Variants in HEATR5A observed in about 807,000 individuals in gnomAD.
The protein encoded by HEATR5A is HEAT repeat containing 5A.
HEATR5A carries 178 observed loss-of-function variants against 218.8 expected under a neutral mutation model. The ratio of observed to expected loss-of-function variants is 0.81; its 90% CI spans 0.72 to 0.92. The LOEUF is 0.92. Among genes scored for constraint, HEATR5A ranks in the 40% least tolerant of loss-of-function variants. The probability of loss-of-function intolerance (pLI) is 0.00; values close to 1 mark genes in which losing one functional copy is unlikely to be tolerated. For synonymous variants in HEATR5A, 864 were observed against 871.6 expected (o/e 0.99, Z 0.15); for missense variants, 2,420 against 2,418.9 (o/e 1.00, Z -0.01).
chr14:31,298,987 A>C (rs1236433994), intron 33 of HEATR5A, among the ~76,000 whole-genome samples: 1 of 152,104 alleles, frequency 6.6e-6, no homozygotes, highest in Non-Finnish European at 1.5e-5. Context: ...TATAGTGCTG[A>C]CCACTCCCTC....
In HEATR5A at chr14:31,302,424, C is replaced by G. The variant is rs748616505; in HGVS notation, c.5335G>C (p.Val1779Leu). 1 of 1,599,130 alleles carries G rather than the reference C, an allele frequency of 6.3e-7. No individual in the cohort carries two copies. Among genetic ancestry groups the G allele is most frequent in the South Asian group, 1.1e-5 (1 of 88,324 alleles). ...KLPGGQLSST[V>L]AASLQALKGI... is the part of the protein sequence containing the mutation. Reference sequence around the variant, plus strand: ...TTTAGAGCCTGTAGGGAAGCTGCAACTGTCGAAGATAACTGGCCCCCAGGT... The same window carrying G: ...TTTAGAGCCTGTAGGGAAGCTGCAAGTGTCGAAGATAACTGGCCCCCAGGT... The change falls in exon 33 of 36, where the codon GTT (valine) becomes CTT (leucine). Residue 1779 changes from valine to leucine, a missense_variant. Transcript: ENST00000543095.
rs558852663 is a variant in HEATR5A at position 31,369,114 on chromosome 14, TAGTG to T, written c.1961+2692_1961+2695del. Among the ~76,000 whole-genome samples, 203 of 151,904 alleles carry T rather than the reference TAGTG, an allele frequency of 1.3e-3. 1 individual carries two copies. Among genetic ancestry groups the T allele is most frequent in the African/African-American group, 4.8e-3 (198 of 41,440 alleles). On this transcript the variant is annotated intron_variant, in intron 13 of 35. Transcript: ENST00000543095. ...AAATTTGAGACCAGTCTAGGCAACA[TAGTG>T]AGGCCCTGTGTCTACAAAAAAGTAA...
chr14:31,339,320 C>T (rs1406211135), intron 21 of HEATR5A, among the ~76,000 whole-genome samples: 5 of 150,100 alleles, frequency 3.3e-5, no homozygotes, highest in Non-Finnish European at 7.4e-5. Context: ...CGTGGTGGCA[C>T]ACACCTGTAG....
At chr14:31,387,776 G>GA (rs1783134037) in intron 7 of HEATR5A, among the ~76,000 whole-genome samples, 1 of 152,058 alleles carries the variant, frequency 6.6e-6, no homozygotes, top group Non-Finnish European at 1.5e-5. Flanking sequence ...TACCCAGGAT[G>GA]GTCTCGATCT....
chr14:31,419,364 T>C (rs1401770540), intron 1 of HEATR5A, among the ~76,000 whole-genome samples: 2 of 152,158 alleles, frequency 1.3e-5, no homozygotes, highest in African/African-American at 4.8e-5. Context: ...CTCAAAGACA[T>C]ACTTTCTAAA....
At chr14:31,309,243 C>A in intron 28 of HEATR5A, 61 bp from the exon 29 acceptor site, 1 of 1,560,988 alleles carries the variant, frequency 6.4e-7, no homozygotes. Flanking sequence ...TCTCTTTTTT[C>A]TGTTACAAGA....
At chr14:31,362,158 G>A (rs1194058264) in intron 14 of HEATR5A, among the ~76,000 whole-genome samples, 3 of 151,838 alleles carry the variant, frequency 2.0e-5, no homozygotes, top group Non-Finnish European at 4.4e-5. Flanking sequence ...TAGTAGAGAT[G>A]GGATTTCACC....
In HEATR5A at chr14:31,312,947, C is replaced by G. The variant is rs969845782; in HGVS notation, c.4441+21G>C. On this transcript the variant is annotated intron_variant, in intron 28 of 35. Coordinates refer to ENST00000543095, the MANE Select transcript of HEATR5A (RefSeq NM_015473.4). ...GTGTTACTGTCACTCTAGGAATTAT[C>G]TAAGTATTTTATCTCCTTACCTTCA... 2.6e-6 allele frequency: 4 copies of G among 1,535,924 alleles called. No individual in the cohort carries two copies. In the African/African-American group the frequency reaches 5.5e-5, roughly 21 times the overall value.
chr14:31,354,686 G>C (rs1901357992), intron 16 of HEATR5A, among the ~76,000 whole-genome samples: 1 of 152,094 alleles, frequency 6.6e-6, no homozygotes, highest in African/African-American at 2.4e-5. Context: ...ACTGAATAAA[G>C]GGTGAAGATG....
chr14:31,395,381 A>T, intron 4 of HEATR5A, 33 bp from the exon 5 acceptor site: 1 of 1,239,834 alleles, frequency 8.1e-7, no homozygotes, highest in Non-Finnish European at 1.1e-6. Flanking sequence ...AATAGGAAAA[A>T]TAATTAAACT....
At chr14:31,370,014 C>T (rs1376416908) in intron 13 of HEATR5A, among the ~76,000 whole-genome samples, 1 of 149,872 alleles carries the variant, frequency 6.7e-6, no homozygotes, top group Non-Finnish European at 1.5e-5. Context: ...GGATAACGGT[C>T]AGGAGATCGA....
intron 27 of HEATR5A, 39 bp from the exon 28 acceptor site, chr14:31,313,229 C>G (rs550902288): frequency 1.3e-6 from 2 of 1,490,042 alleles, no homozygotes; most frequent in South Asian, 2.3e-5. Flanking sequence ...AATCTTTTAT[C>G]TGCTGAAAAG....
At chr14:31,400,630 T>C in intron 2 of HEATR5A, 118 bp from the exon 3 acceptor site, 1 of 669,114 alleles carries the variant, frequency 1.5e-6, no homozygotes, top group African/African-American at 1.8e-5. Context: ...AATACAAACT[T>C]ACTTTGACTG....
rs370168848 is a variant in HEATR5A at position 31,315,870 on chromosome 14, G to A, written c.4118C>T (p.Ser1373Leu). The stretch of plus-strand genomic sequence containing the variant: ...TTTTCCAGCCTGTATTTTAGTTAAC[G>A]ATGAAACAAGCAACTGATGAACTCT... The part of the protein sequence containing the change: ...LRRVHQLLVS[S>L]LTKIQAGKEA... Residue 1373 changes from serine to leucine, a missense_variant, in exon 27 of 36, where the codon TCG becomes TTG. Transcript: ENST00000543095. 5.0e-6 allele frequency: 8 copies of A among 1,604,802 alleles called. No individual in the cohort carries two copies. Among genetic ancestry groups the A allele is most frequent in the African/African-American group, 1.3e-5 (1 of 74,792 alleles).
intron 14 of HEATR5A, among the ~76,000 whole-genome samples, chr14:31,360,375 A>G (rs994409951): frequency 1.3e-5 from 2 of 152,228 alleles, no homozygotes; most frequent in African/African-American, 4.8e-5. Context: ...AGTTGTATCT[A>G]GACGGGGCTC....
intron 22 of HEATR5A, among the ~76,000 whole-genome samples, chr14:31,328,050 G>A (rs1481511502): frequency 1.3e-5 from 2 of 152,140 alleles, no homozygotes; most frequent in Admixed American, 6.5e-5. Context: ...CTGAGTTCAA[G>A]CGATTCTCCT....
chr14:31,350,083 G>A lies in HEATR5A; in HGVS notation c.2518-104C>T, dbSNP rs556809563. The A allele has an allele frequency of 6.8e-5, 43 of 628,812 alleles. No homozygotes were observed. In the African/African-American group the frequency reaches 7.6e-4, roughly 11 times the overall value. The allele number at this position is 628,812 out of a possible 1,614,324, so 39.0% of individuals were successfully genotyped here. On this transcript the variant is annotated intron_variant, in intron 17 of 35. Coordinates refer to ENST00000543095, the MANE Select transcript of HEATR5A (RefSeq NM_015473.4). The stretch of plus-strand genomic sequence containing the variant: ...ACCAAATCCAAATATGTTCATACTT[G>A]GATTACTACTTAAAAACAAATAAGA...
chr14:31,394,013 A>T, intron 6 of HEATR5A, 39 bp downstream of exon 6: 1 of 1,354,374 alleles, frequency 7.4e-7, no homozygotes, highest in Non-Finnish European at 9.9e-7. Flanking sequence ...TGGGGAAAAA[A>T]TTACAGAAGA....
chr14:31,408,450 T>C (rs377091026), intron 1 of HEATR5A, among the ~76,000 whole-genome samples: 34 of 152,194 alleles, frequency 2.2e-4, no homozygotes, highest in African/African-American at 8.2e-4. Context: ...CTGAGAATGA[T>C]AATGCCTTTC....
Sources: gnomAD v4.1 joint callset for allele counts (sites outside exome capture counted in the v4.1 genomes callset) on GRCh38, gnomAD v4.1.1 for gene constraint, MANE v1.5 for transcripts, NCBI Gene and HGNC (gene_info 2026-07-23, HGNC 2026-07-21) for gene names.